The following IGSF21 variants were observed in gnomAD, a reference collection of about 807,000 sequenced individuals.
The protein encoded by IGSF21 is immunoglobulin superfamily member 21.
IGSF21 carries 28 observed loss-of-function variants against 46.8 expected under a neutral mutation model. The observed-to-expected ratio is 0.60, with a 90% CI of 0.44 to 0.82. The LOEUF is 0.82. Among genes scored for constraint, IGSF21 ranks in the 40% least tolerant of loss-of-function variants. IGSF21 has a pLI of 0.00. For missense variants in IGSF21, 624 were observed against 665.5 expected (o/e 0.94, Z 0.69); for synonymous variants, 284 against 273.6 (o/e 1.04, Z -0.38).
intron 6 of IGSF21, 127 bp from the exon 7 acceptor site, chr1:18,376,183 G>A: frequency 4.1e-6 from 3 of 740,070 alleles, no homozygotes; most frequent in South Asian, 1.5e-5. Flanking sequence ...GAATGAATGA[G>A]CACACTGAGC....
chr1:18,360,531 C>G (rs2086088993), intron 4 of IGSF21, among the ~76,000 whole-genome samples: 2 of 152,108 alleles, frequency 1.3e-5, no homozygotes, highest in African/African-American at 4.8e-5. Context: ...TAGTAGGTGT[C>G]AGGAAATGTT....
At chr1:18,122,167 T>A (rs2086239116) in intron 1 of IGSF21, among the ~76,000 whole-genome samples, 1 of 151,286 alleles carries the variant, frequency 6.6e-6, no homozygotes, top group South Asian at 2.1e-4. Context: ...CTGTGCTTTT[T>A]TCTTTTCTTT....
At chr1:18,245,866 T>C (rs2084778711) in intron 2 of IGSF21, among the ~76,000 whole-genome samples, 1 of 152,154 alleles carries the variant, frequency 6.6e-6, no homozygotes, top group Admixed American at 6.5e-5. Context: ...AGATCAGGAT[T>C]CAAACACATT....
At chr1:18,371,553 T>C (rs961948124) in intron 6 of IGSF21, among the ~76,000 whole-genome samples, 3 of 143,594 alleles carry the variant, frequency 2.1e-5, no homozygotes, top group Non-Finnish European at 3.0e-5. Context: ...GCCTAGGCAA[T>C]AGAGTAAGAC....
intron 3 of IGSF21, among the ~76,000 whole-genome samples, chr1:18,327,844 A>C (rs1237410801): frequency 1.3e-5 from 2 of 152,212 alleles, no homozygotes; most frequent in Non-Finnish European, 2.9e-5. Context: ...AAATGTGGAA[A>C]TGCTGAGTAG....
chr1:18,157,313 A>T (rs923139025), intron 1 of IGSF21, among the ~76,000 whole-genome samples: 3 of 152,132 alleles, frequency 2.0e-5, no homozygotes, highest in Non-Finnish European at 2.9e-5. Context: ...TCCCCTGGCC[A>T]TGGTGGCTCA....
intron 1 of IGSF21, among the ~76,000 whole-genome samples, chr1:18,194,057 C>T (rs1170074477): frequency 1.3e-5 from 2 of 152,018 alleles, no homozygotes; most frequent in African/African-American, 4.8e-5. Flanking sequence ...TTCCTAAGTC[C>T]CCAGAGAGTG....
intron 1 of IGSF21, among the ~76,000 whole-genome samples, chr1:18,214,107 A>C (rs2084419160): frequency 6.7e-6 from 1 of 149,744 alleles, no homozygotes; most frequent in Non-Finnish European, 1.5e-5. Flanking sequence ...ATTAATAATA[A>C]ATAAACAAAC....
intron 2 of IGSF21, among the ~76,000 whole-genome samples, chr1:18,243,802 G>A (rs2084756967): frequency 6.6e-6 from 1 of 152,146 alleles, no homozygotes; most frequent in African/African-American, 2.4e-5. Context: ...TCAAAGATGA[G>A]CAGCATGAAC....
At chr1:18,273,468 CTTT>C (rs2085068647) in intron 2 of IGSF21, among the ~76,000 whole-genome samples, 3 of 22,698 alleles carry the variant, frequency 1.3e-4, no homozygotes, top group African/African-American at 3.4e-4. Flanking sequence ...CTCTCTCTTT[CTTT>C]CTTTCTTTCT....
At chr1:18,135,622 T>C (rs965356443) in intron 1 of IGSF21, among the ~76,000 whole-genome samples, 3 of 152,198 alleles carry the variant, frequency 2.0e-5, no homozygotes, top group African/African-American at 7.2e-5. Flanking sequence ...TAGTATTCCA[T>C]GGTGTATATG....
At chr1:18,231,644 G>A (rs2124509869) in intron 2 of IGSF21, among the ~76,000 whole-genome samples, 1 of 152,278 alleles carries the variant, frequency 6.6e-6, no homozygotes, top group East Asian at 1.9e-4. Flanking sequence ...CATTTCCTCA[G>A]TCAGACTAGC....
At chr1:18,240,620 T>G (rs576172598) in intron 2 of IGSF21, among the ~76,000 whole-genome samples, 1 of 152,312 alleles carries the variant, frequency 6.6e-6, no homozygotes, top group African/African-American at 2.4e-5. Context: ...GATGGATAGA[T>G]GTATGCATGG....
At chr1:18,116,893 G>A (rs1159402179) in intron 1 of IGSF21, among the ~76,000 whole-genome samples, 1 of 152,194 alleles carries the variant, frequency 6.6e-6, no homozygotes, top group African/African-American at 2.4e-5. Flanking sequence ...GGAAGAGAGG[G>A]GAATGCCATC....
At chr1:18,232,068 A>G (rs902829400) in intron 2 of IGSF21, among the ~76,000 whole-genome samples, 3 of 151,960 alleles carry the variant, frequency 2.0e-5, no homozygotes, top group African/African-American at 7.3e-5. Flanking sequence ...TGAGTATCGT[A>G]GTTGTCTATT....
At chr1:18,210,539 G>A (rs868708047) in intron 1 of IGSF21, among the ~76,000 whole-genome samples, 4 of 152,162 alleles carry the variant, frequency 2.6e-5, no homozygotes, top group African/African-American at 7.2e-5. Flanking sequence ...GGCCGGTCCT[G>A]GTGTTGGAGA....
chr1:18,331,829 AC>A (rs1273711868), intron 3 of IGSF21, among the ~76,000 whole-genome samples: 1 of 152,166 alleles, frequency 6.6e-6, no homozygotes, highest in East Asian at 1.9e-4. Context: ...GGAGTAGAAC[AC>A]CCAGGACTTG....
At chr1:18,368,157 C>A (rs2086186478) in intron 6 of IGSF21, among the ~76,000 whole-genome samples, 1 of 151,908 alleles carries the variant, frequency 6.6e-6, no homozygotes, top group East Asian at 1.9e-4. Context: ...TCACGGCGTC[C>A]CTCTGTCACA....
intron 2 of IGSF21, among the ~76,000 whole-genome samples, chr1:18,274,116 C>G (rs141950165): frequency 6.6e-6 from 1 of 152,124 alleles, no homozygotes; most frequent in South Asian, 2.1e-4. Flanking sequence ...GTTTCTTTAC[C>G]CCATTATTAT....
Sources: allele counts gnomAD v4.1 joint callset (sites outside exome capture counted in the v4.1 genomes callset), GRCh38; gene constraint gnomAD v4.1.1; transcripts MANE v1.5; gene names NCBI Gene and HGNC (gene_info 2026-07-23, HGNC 2026-07-21).